The following SHROOM3 variants were observed in gnomAD, a reference collection of about 807,000 sequenced individuals.
SHROOM3 encodes the protein shroom family member 3.
A neutral mutation model predicts 138.6 loss-of-function variants in SHROOM3; 47 were observed. That is an observed-to-expected ratio of 0.34 (90% confidence interval 0.27 to 0.43). The LOEUF is 0.43. SHROOM3 is among the 20% of genes least tolerant of loss of function. The pLI is 1.00. For synonymous variants in SHROOM3, 1,062 were observed against 1,063.3 expected (o/e 1.00, Z 0.02); for missense variants, 2,491 against 2,596.5 (o/e 0.96, Z 0.88).
Position 76,759,706 on chromosome 4 carries a change from A to T in SHROOM3, c.5349+11A>T. The T allele has an allele frequency of 6.2e-7, 1 of 1,612,524 alleles. No homozygotes were observed. Among genetic ancestry groups the T allele is most frequent in the Non-Finnish European group, 8.5e-7 (1 of 1,179,218 alleles). ...GTCAATGAAAAGAAGGTAAATAAAGAATGGGATGCCCTTGTTCAGCTTTCC... is the reference window on the plus strand; with the variant it reads ...GTCAATGAAAAGAAGGTAAATAAAGTATGGGATGCCCTTGTTCAGCTTTCC... On this transcript the variant is annotated intron_variant, in intron 9 of 10. Transcript: ENST00000296043.
intron 3 of SHROOM3, among the ~76,000 whole-genome samples, chr4:76,717,669 T>C (rs1322122081): frequency 6.6e-6 from 1 of 152,166 alleles, no homozygotes; most frequent in Non-Finnish European, 1.5e-5. Flanking sequence ...CTCTGTACCT[T>C]CCACTCAGCT....
rs1560615784 is a variant in SHROOM3 at position 76,754,718 on chromosome 4, TAGAAGAGGGAACGA to T, written c.4236_4249del (p.Thr1416LeufsTer24). 2 of 1,614,060 alleles carry T rather than the reference TAGAAGAGGGAACGA, an allele frequency of 1.2e-6. No individual in the cohort carries two copies. Among genetic ancestry groups the T allele is most frequent in the Non-Finnish European group, 1.7e-6 (2 of 1,180,006 alleles). Reference sequence around the variant, plus strand: ...GAGGGCGATGGCCCAGAGCATGGGGTAGAAGAGGGAACGAGGAAGAGGGTCTCGCTGCCTCAGTG... The same window carrying T: ...GAGGGCGATGGCCCAGAGCATGGGGTGGAAGAGGGTCTCGCTGCCTCAGTG... On this transcript the variant is annotated frameshift_variant, in exon 7 of 11. Coordinates refer to ENST00000296043, the MANE Select transcript of SHROOM3 (RefSeq NM_020859.4). LOFTEE classifies it high-confidence loss of function.
At chr4:76,770,488 G>A in intron 9 of SHROOM3, 138 bp from the exon 10 acceptor site, 2 of 897,388 alleles carry the variant, frequency 2.2e-6, no homozygotes, top group Non-Finnish European at 3.3e-6. Flanking sequence ...GCATAATATT[G>A]GGGGACACTC....
chr4:76,691,074 T>G (rs1719520220), intron 2 of SHROOM3, among the ~76,000 whole-genome samples: 1 of 152,238 alleles, frequency 6.6e-6, no homozygotes, highest in African/African-American at 2.4e-5. Context: ...AATACATCTC[T>G]CTACCATTAA....
intron 1 of SHROOM3, among the ~76,000 whole-genome samples, chr4:76,490,529 AC>A: frequency 6.6e-6 from 1 of 152,138 alleles, no homozygotes; most frequent in Non-Finnish European, 1.5e-5. Flanking sequence ...TGCTGGGATT[AC>A]AGGTGTGAGC....
chr4:76,673,950 G>A (rs11734045), intron 2 of SHROOM3, among the ~76,000 whole-genome samples: 8,961 of 152,236 alleles, frequency 0.059, 404 homozygotes, highest in Admixed American at 0.14. Flanking sequence ...GTAGCTCACT[G>A]TAACATTGAA....
In SHROOM3 at chr4:76,741,541, C is replaced by T; in HGVS notation, c.3368C>T (p.Pro1123Leu). The T allele has an allele frequency of 6.4e-7, 1 of 1,550,426 alleles. No homozygotes were observed. The highest frequency in any genetic ancestry group is 8.7e-7 in the Non-Finnish European group (1 of 1,154,470). ...CGCGCCCAGAGTGCCTACCTCCAGC[C>T]CGGCCCCGCGGCGCTCGAAGGCTCC... ...RERAQSAYLQ[P>L]GPAALEGSGL... is the part of the protein sequence containing the mutation. Residue 1123 changes from proline (P) to leucine (L), a missense_variant, in exon 5 of 11, where the codon CCC (proline) becomes CTC (leucine). Pro to Leu is a moderately conservative substitution (Grantham distance 98, BLOSUM62 -3). This residue lies in a region of SHROOM3 where 1,733 missense variants were observed against 1,661.6 expected (regional missense o/e 1.04). Transcript: ENST00000296043. The surrounding 1 kb of genome is among the most constrained non-coding windows in gnomAD (Gnocchi z 6.2).
chr4:76,741,419 G>A lies in SHROOM3; in HGVS notation c.3246G>A (p.Gln1082=). The change falls in exon 5 of 11, where the codon CAG becomes CAA. Residue 1082 remains glutamine, a synonymous_variant. Coordinates refer to ENST00000296043, the MANE Select transcript of SHROOM3 (RefSeq NM_020859.4). This position sits in a 1 kb window ranked among gnomAD's most constrained non-coding sequence, Gnocchi z 6.2. ...SLSGPELKQF[Q]QSALADYIQR... is the part of the protein sequence containing the mutation. ...CGGGGCCCGAGCTGAAGCAGTTCCA[G>A]CAGAGCGCCCTGGCGGACTACATCC... The A allele has an allele frequency of 6.3e-7, 1 of 1,596,798 alleles. No homozygotes were observed. Among genetic ancestry groups the A allele is most frequent in the Non-Finnish European group, 8.5e-7 (1 of 1,172,808 alleles).
At chr4:76,716,436 C>T (rs193030914) in intron 3 of SHROOM3, 64 of 518,558 alleles carry the variant, frequency 1.2e-4, no homozygotes, top group Middle Eastern at 3.2e-4. Flanking sequence ...TGTTAGAATG[C>T]GATTCAGAAT....
At chr4:76,491,902 T>C (rs1731858369) in intron 1 of SHROOM3, among the ~76,000 whole-genome samples, 1 of 152,182 alleles carries the variant, frequency 6.6e-6, no homozygotes, top group South Asian at 2.1e-4. Context: ...ATGTGGGAAA[T>C]GATCATCACA....
intron 1 of SHROOM3, among the ~76,000 whole-genome samples, chr4:76,552,962 T>C (rs984873193): frequency 3.3e-5 from 5 of 152,186 alleles, no homozygotes; most frequent in African/African-American, 1.2e-4. Context: ...TCTAACGTAC[T>C]ACATTACTTA....
At chr4:76,553,243 C>A (rs1335929830) in intron 1 of SHROOM3, among the ~76,000 whole-genome samples, 2 of 152,034 alleles carry the variant, frequency 1.3e-5, no homozygotes, top group Middle Eastern at 3.2e-3. Context: ...GCCCACTGCA[C>A]CTCCACCTCC....
intron 3 of SHROOM3, among the ~76,000 whole-genome samples, chr4:76,729,844 A>G (rs914219610): frequency 6.6e-6 from 1 of 152,244 alleles, no homozygotes; most frequent in African/African-American, 2.4e-5. Flanking sequence ...GAAAAGAGAT[A>G]GGTGCATTTT....
chr4:76,633,254 T>A (rs1172369716), intron 2 of SHROOM3, among the ~76,000 whole-genome samples: 2 of 143,930 alleles, frequency 1.4e-5, no homozygotes, highest in African/African-American at 2.6e-5. Flanking sequence ...GGCATGAGAA[T>A]CGCTTGAATC....
At chr4:76,569,053 A>G (rs1042212504) in intron 2 of SHROOM3, among the ~76,000 whole-genome samples, 2 of 152,212 alleles carry the variant, frequency 1.3e-5, no homozygotes, top group African/African-American at 2.4e-5. Flanking sequence ...GTTCAACCAT[A>G]GTTATTGAGC....
intron 2 of SHROOM3, among the ~76,000 whole-genome samples, chr4:76,651,517 T>G (rs1355523966): frequency 6.8e-6 from 1 of 146,826 alleles, no homozygotes; most frequent in Admixed American, 7.0e-5. Flanking sequence ...CATACCACCA[T>G]CCAACAATAA....
At chr4:76,572,469 A>G (rs558542088) in intron 2 of SHROOM3, among the ~76,000 whole-genome samples, 2 of 152,324 alleles carry the variant, frequency 1.3e-5, no homozygotes, top group East Asian at 3.9e-4. Context: ...CCTGAGGACT[A>G]TTCCCAGTGC....
At chr4:76,476,745 T>C (rs1273690655) in intron 1 of SHROOM3, among the ~76,000 whole-genome samples, 1 of 152,236 alleles carries the variant, frequency 6.6e-6, no homozygotes, top group Non-Finnish European at 1.5e-5. Context: ...ATGCAGTCTC[T>C]CCTTTCATCT....
At chr4:76,464,448 T>A (rs1204334247) in intron 1 of SHROOM3, among the ~76,000 whole-genome samples, 1 of 152,166 alleles carries the variant, frequency 6.6e-6, no homozygotes, top group African/African-American at 2.4e-5. Flanking sequence ...CAGAAGGGAC[T>A]TCCTAGTCTC....
Sources: allele counts gnomAD v4.1 joint callset (sites outside exome capture counted in the v4.1 genomes callset), GRCh38; gene constraint gnomAD v4.1.1; regional missense constraint gnomAD v4.1.1; non-coding constraint Gnocchi (gnomAD v3.1); transcripts MANE v1.5; gene names NCBI Gene and HGNC (gene_info 2026-07-23, HGNC 2026-07-21).